Variants in PTPRM observed in about 807,000 individuals in gnomAD.
PTPRM encodes the protein protein tyrosine phosphatase receptor type M.
A neutral mutation model predicts 186.7 loss-of-function variants in PTPRM; 47 were observed. That is an observed-to-expected ratio of 0.25 (90% CI 0.20 to 0.32). PTPRM has a LOEUF of 0.32. PTPRM is among the 10% of genes least tolerant of loss of function. The pLI, the probability that PTPRM is intolerant of heterozygous loss-of-function variation, is 1.00. For missense variants in PTPRM, 1,494 were observed against 1,865.0 expected (o/e 0.80, Z 3.66); for synonymous variants, 668 against 674.9 (o/e 0.99, Z 0.16).
At position 7,720,309 on chromosome 18, in the gene PTPRM, C is replaced by T. The variant is rs553984633; in HGVS notation, c.74-53840C>T. Among the ~76,000 whole-genome samples the T allele has an allele frequency of 7.9e-5, 12 of 152,052 alleles. No homozygotes were observed. In the East Asian group the frequency reaches 2.3e-3, roughly 29 times the overall value. Reference sequence around the variant, plus strand: ...TGGGGAAATTGCTTTTTCCAATATGCACACTCTAGAGCCTCTGTAATGAAA... The same window carrying T: ...TGGGGAAATTGCTTTTTCCAATATGTACACTCTAGAGCCTCTGTAATGAAA... On this transcript the variant is annotated intron_variant, in intron 1 of 32. Transcript: ENST00000580170.
intron 2 of PTPRM, among the ~76,000 whole-genome samples, chr18:7,785,664 T>C (rs1246777412): frequency 6.6e-6 from 1 of 152,222 alleles, no homozygotes; most frequent in African/African-American, 2.4e-5. Flanking sequence ...AAAATGCTAT[T>C]CCATCAAATT....
chr18:7,830,696 C>T (rs746175886), intron 2 of PTPRM, among the ~76,000 whole-genome samples: 21 of 152,072 alleles, frequency 1.4e-4, no homozygotes, highest in Non-Finnish European at 2.8e-4. Flanking sequence ...TGAAATAGGT[C>T]GCATAAAGCC....
chr18:7,646,407 T>C (rs1327495757), intron 1 of PTPRM, among the ~76,000 whole-genome samples: 1 of 152,202 alleles, frequency 6.6e-6, no homozygotes, highest in Non-Finnish European at 1.5e-5. Flanking sequence ...GACAAGATGA[T>C]AACGGTGGAT....
At chr18:8,184,211 A>G (rs901911609) in intron 14 of PTPRM, among the ~76,000 whole-genome samples, 3 of 152,164 alleles carry the variant, frequency 2.0e-5, no homozygotes, top group South Asian at 4.1e-4. Context: ...GAAGTGGACA[A>G]TCTTTGGTCT....
intron 1 of PTPRM, among the ~76,000 whole-genome samples, chr18:7,654,612 A>G (rs2038804948): frequency 6.6e-6 from 1 of 152,060 alleles, no homozygotes; most frequent in South Asian, 2.1e-4. Context: ...TCTTTAATCC[A>G]TCTTAATTTT....
At chr18:8,088,956 C>T in intron 11 of PTPRM, 105 bp downstream of exon 11, 1 of 828,902 alleles carries the variant, frequency 1.2e-6, no homozygotes, top group Middle Eastern at 2.3e-4. Flanking sequence ...TCTCAGCCAG[C>T]ATGTAAATCC....
rs369026763 is a variant in PTPRM at position 8,233,666 on chromosome 18, TATC to T, written c.2301-10389_2301-10387del. On this transcript the variant is annotated intron_variant, in intron 14 of 32. Coordinates refer to ENST00000580170, the MANE Select transcript of PTPRM (RefSeq NM_001105244.2). ...ATTTTTATTGGAAAGATGTCTATCT[TATC>T]ATTTTTTTTCATGGATTATCCCTTT... 9.0e-3 allele frequency among the ~76,000 whole-genome samples: 1,375 copies of T among 152,280 alleles called. 21 individuals carry two copies. Among genetic ancestry groups the T allele is most frequent in the African/African-American group, 0.031 (1,289 of 41,558 alleles).
chr18:8,173,970 G>A (rs1268595697), intron 14 of PTPRM, among the ~76,000 whole-genome samples: 1 of 151,982 alleles, frequency 6.6e-6, no homozygotes, highest in African/African-American at 2.4e-5. Context: ...TGGAAGCTGA[G>A]GCAGGAGAAT....
At chr18:7,823,115 G>A (rs570457001) in intron 2 of PTPRM, among the ~76,000 whole-genome samples, 18 of 152,186 alleles carry the variant, frequency 1.2e-4, no homozygotes, top group Admixed American at 8.5e-4. Context: ...TGTAGTATCC[G>A]TTCTACTCTT....
chr18:8,261,201 TACAAAACAA>T (rs1454907058), intron 19 of PTPRM, among the ~76,000 whole-genome samples: 2 of 152,048 alleles, frequency 1.3e-5, no homozygotes, highest in Non-Finnish European at 2.9e-5. Context: ...TCCCATAGGA[TACAAAACAA>T]ACAAAACAAA....
Position 7,653,036 on chromosome 18 carries a change from G to A in PTPRM, c.73+85145G>A, listed in dbSNP as rs570965839. On this transcript the variant is annotated intron_variant, in intron 1 of 32. Transcript: ENST00000580170. ...AACAGATACCTCATCAAAGAAAATGGCAAATAAGCTTATGAAAAAAATGTC... is the reference window on the plus strand; with the variant it reads ...AACAGATACCTCATCAAAGAAAATGACAAATAAGCTTATGAAAAAAATGTC... 1.1e-3 allele frequency among the ~76,000 whole-genome samples: 162 copies of A among 151,542 alleles called. 7 individuals are homozygous for A. The South Asian group carries it at 0.034, about 32-fold the overall frequency.
At chr18:8,393,779 T>TTTGTTG (rs71356214) in intron 31 of PTPRM, among the ~76,000 whole-genome samples, 2 of 151,126 alleles carry the variant, frequency 1.3e-5, no homozygotes, top group African/African-American at 2.4e-5. Context: ...TGCCAATGGA[T>TTTGTTG]TTGTTGTTGT....
chr18:7,832,470 G>C (rs201711802), intron 2 of PTPRM, among the ~76,000 whole-genome samples: 1 of 38,540 alleles, frequency 2.6e-5, no homozygotes, highest in Non-Finnish European at 8.5e-5. Flanking sequence ...TTACTTATTA[G>C]ATATTTTTCC....
At chr18:7,625,936 C>T (rs866914748) in intron 1 of PTPRM, among the ~76,000 whole-genome samples, 7 of 152,174 alleles carry the variant, frequency 4.6e-5, no homozygotes, top group African/African-American at 1.7e-4. Flanking sequence ...ACATTGGGGC[C>T]CATGAGCCTG....
intron 1 of PTPRM, among the ~76,000 whole-genome samples, chr18:7,595,685 C>T (rs951866247): frequency 6.6e-6 from 1 of 152,190 alleles, no homozygotes. Flanking sequence ...GTTACTCTAT[C>T]TGCATTTTAA....
rs374577258 is a variant in PTPRM at position 8,087,346 on chromosome 18, C to T, written c.1754-1403C>T. ...TCTGATCAACATGGCCGTATTAGTCCGTTCTCACACTGCTAATAAAGACAT... is the reference window on the plus strand; with the variant it reads ...TCTGATCAACATGGCCGTATTAGTCTGTTCTCACACTGCTAATAAAGACAT... On this transcript the variant is annotated intron_variant, in intron 10 of 32. Coordinates refer to ENST00000580170, the MANE Select transcript of PTPRM (RefSeq NM_001105244.2). Among the ~76,000 whole-genome samples the T allele has an allele frequency of 3.3e-5, 5 of 151,834 alleles. No homozygotes were observed. The East Asian group carries it at 7.7e-4, about 24-fold the overall frequency.
chr18:7,966,148 T>C (rs1203635046), intron 7 of PTPRM, among the ~76,000 whole-genome samples: 1 of 152,184 alleles, frequency 6.6e-6, no homozygotes, highest in African/African-American at 2.4e-5. Context: ...TGCAAGTGAA[T>C]AGAATGCTTT....
chr18:7,648,682 A>G (rs569075749), intron 1 of PTPRM, among the ~76,000 whole-genome samples: 2 of 152,330 alleles, frequency 1.3e-5, no homozygotes, highest in South Asian at 4.1e-4. Flanking sequence ...AATTCTGTGA[A>G]GGTTGAGAGA....
rs1224926985 is a variant in PTPRM at position 7,567,503 on chromosome 18, G to A, written c.-316G>A. 1 of 253,474 alleles carries A rather than the reference G, an allele frequency of 3.9e-6. No individual in the cohort carries two copies. The highest frequency in any genetic ancestry group is 2.2e-5 in the African/African-American group (1 of 44,460). 15.7% of individuals were successfully genotyped at this position (253,474 alleles called of 1,614,324 possible). A position where few individuals can be genotyped will look rare whatever the true frequency, so the allele number is the denominator to read the frequency against. On this transcript the variant is annotated 5_prime_UTR_variant, in exon 1 of 33. Transcript: ENST00000580170. The surrounding 1 kb of genome is among the most constrained non-coding windows in gnomAD (Gnocchi z 4.3). The stretch of plus-strand genomic sequence containing the variant: ...TCCCGGGTCCCGGGCAGGGGAAGGG[G>A]AGAGGCGGCGAGCTCAGCAACCGGA...
Sources: allele counts gnomAD v4.1 joint callset (sites outside exome capture counted in the v4.1 genomes callset), GRCh38; gene constraint gnomAD v4.1.1; non-coding constraint Gnocchi (gnomAD v3.1); transcripts MANE v1.5; gene names NCBI Gene and HGNC (gene_info 2026-07-23, HGNC 2026-07-21).